Variants in CCNQ observed in about 807,000 individuals in gnomAD.
CCNQ encodes the protein cyclin Q, also known as cyclin-Q.
A neutral mutation model predicts 17.7 loss-of-function variants in CCNQ; 3 were observed. The ratio of observed to expected loss-of-function variants is 0.17; its 90% CI spans 0.08 to 0.44. The LOEUF (loss-of-function observed/expected upper bound fraction) is 0.44, where lower values mean the gene tolerates loss of function less well. Among genes scored for constraint, CCNQ ranks in the 20% least tolerant of loss-of-function variants. The pLI, the probability that CCNQ is intolerant of heterozygous loss-of-function variation, is 0.99. For synonymous variants in CCNQ, 73 were observed against 96.0 expected, an observed-to-expected ratio of 0.76 and a Z score of 1.40; for missense variants, 146 against 222.6, an observed-to-expected ratio of 0.66 and a Z score of 2.19.
intron 1 of CCNQ, among the ~76,000 whole-genome samples, chrX:153,597,170 G>A (rs782420517): frequency 7.2e-5 from 8 of 111,200 alleles, no homozygotes; most frequent in Non-Finnish European, 1.1e-4. Flanking sequence ...CATCCACTAG[G>A]CCAAAACAGA....
At chrX:153,592,291 G>C (rs1405941700) in intron 4 of CCNQ, among the ~76,000 whole-genome samples, 2 of 113,298 alleles carry the variant, frequency 1.8e-5, no homozygotes, top group Admixed American at 1.8e-4. Flanking sequence ...GTGGAGGCCA[G>C]CACTCCTGTT....
chrX:153,592,715 C>G lies in CCNQ; in HGVS notation c.448G>C (p.Val150Leu). Residue 150 changes from valine (V) to leucine (L), a missense_variant, in exon 4 of 5, where the codon GTT becomes CTT. By Grantham distance (32) the Val-to-Leu change is conservative. Transcript: ENST00000576892. ...CGGTTCAGCCAGTTCTGGAGGGAAA[C>G]CAGGTAGTGGAGCAGGTACTGCAAA... ...HPHKYLLHYLVSLQNWLNRHS... is the reference protein window; with the variant it reads ...HPHKYLLHYLLSLQNWLNRHS... 2.5e-6 allele frequency: 3 copies of G among 1,210,443 alleles called. No individual in the cohort carries two copies. Among genetic ancestry groups the G allele is most frequent in the Non-Finnish European group, 2.2e-6 (2 of 894,620 alleles).
chrX:153,594,517 C>T, intron 3 of CCNQ, 30 bp downstream of exon 3: 1 of 1,208,892 alleles, frequency 8.3e-7, no homozygotes, highest in Non-Finnish European at 1.1e-6. Context: ...TTGAGCCTCT[C>T]CAAACAGGCA....
intron 2 of CCNQ, among the ~76,000 whole-genome samples, chrX:153,595,580 C>T (rs1388261276): frequency 8.8e-6 from 1 of 113,321 alleles, no homozygotes; most frequent in Non-Finnish European, 1.9e-5. Context: ...GCCATGCCCA[C>T]GCCACACCCA....
chrX:153,595,964 C>A (rs782507521), intron 2 of CCNQ, 40 bp downstream of exon 2: 1 of 1,206,720 alleles, frequency 8.3e-7, no homozygotes, highest in Admixed American at 2.2e-5. Context: ...CCCGTCCCCC[C>A]CACCGGGTGG....
chrX:153,595,431 G>A (rs192426626), intron 2 of CCNQ, among the ~76,000 whole-genome samples: 20 of 113,807 alleles, frequency 1.8e-4, no homozygotes, highest in African/African-American at 5.4e-4. Context: ...CAAGGAACAT[G>A]TTTAAGCCTC....
At chrX:153,595,115 T>A (rs1295557342) in intron 2 of CCNQ, among the ~76,000 whole-genome samples, 1 of 112,939 alleles carries the variant, frequency 8.9e-6, no homozygotes, top group African/African-American at 3.2e-5. Context: ...TTTTTTAACT[T>A]ATTTTTACTT....
chrX:153,594,520 A>G, intron 3 of CCNQ, 27 bp downstream of exon 3: 2 of 1,209,051 alleles, frequency 1.7e-6, no homozygotes, highest in Admixed American at 4.3e-5. Context: ...AGCCTCTCCA[A>G]ACAGGCACCA....
chrX:153,598,837 C>T, intron 1 of CCNQ, 125 bp downstream of exon 1: 1 of 443,560 alleles, frequency 2.3e-6, no homozygotes, highest in Non-Finnish European at 3.3e-6. Flanking sequence ...AGGTCCTCAG[C>T]CCCGAGCAGG....
chrX:153,588,185 G>A lies in CCNQ; in HGVS notation c.*180C>T, dbSNP rs782820779. 2.8e-5 allele frequency: 15 copies of A among 539,150 alleles called. No individual in the cohort carries two copies. The highest frequency in any genetic ancestry group is 1.0e-4 in the Admixed American group (4 of 39,189). 44.4% of individuals were successfully genotyped at this position (539,150 alleles called of 1,213,427 possible). ...CGCGGCTCCCACCATCACCTGCACC[G>A]CGACTTCTAGGGACTGGCAAAGCGG... On this transcript the variant is annotated 3_prime_UTR_variant, in exon 5 of 5. Coordinates refer to ENST00000576892, the MANE Select transcript of CCNQ (RefSeq NM_152274.5).
chrX:153,588,896 T>C (rs1486849505), intron 4 of CCNQ, among the ~76,000 whole-genome samples: 1 of 112,713 alleles, frequency 8.9e-6, no homozygotes, highest in East Asian at 2.8e-4. Context: ...CTGGGGAGCA[T>C]GTGGACCCAC....
chrX:153,596,958 T>C (rs2091032804), intron 1 of CCNQ, among the ~76,000 whole-genome samples: 1 of 111,937 alleles, frequency 8.9e-6, no homozygotes, highest in Admixed American at 9.4e-5. Flanking sequence ...AGTGAGACCC[T>C]GTCTCTACAA....
rs782103033 is a variant in CCNQ, at chrX:153,587,975, C to T, written c.*390G>A. 30 of 312,147 alleles carry T rather than the reference C, an allele frequency of 9.6e-5. No homozygotes were observed. Among genetic ancestry groups the T allele is most frequent in the African/African-American group, 7.7e-4 (29 of 37,653 alleles). 25.7% of individuals were successfully genotyped at this position (312,147 alleles called of 1,213,427 possible). A position where few individuals can be genotyped will look rare whatever the true frequency, so the allele number is the denominator to read the frequency against. ...CAAAATAGATTTCAGCCACGTTGCA[C>T]ATTCATTCTCCCTACAAATCTGGCT... On this transcript the variant is annotated 3_prime_UTR_variant, in exon 5 of 5. Coordinates refer to ENST00000576892, the MANE Select transcript of CCNQ (RefSeq NM_152274.5).
chrX:153,590,515 G>T (rs1557025560), intron 4 of CCNQ, among the ~76,000 whole-genome samples: 1 of 111,266 alleles, frequency 9.0e-6, no homozygotes, highest in South Asian at 3.8e-4. Context: ...CAGGAGCTTG[G>T]GGGTGGGGAG....
intron 4 of CCNQ, among the ~76,000 whole-genome samples, chrX:153,589,538 C>A (rs1323394237): frequency 8.9e-6 from 1 of 112,720 alleles, no homozygotes; most frequent in Non-Finnish European, 1.9e-5. Context: ...GCACTGAGCC[C>A]CAGGGTGCTC....
At chrX:153,594,048 G>A (rs2091010239) in intron 3 of CCNQ, among the ~76,000 whole-genome samples, 1 of 112,928 alleles carries the variant, frequency 8.9e-6, no homozygotes, top group African/African-American at 3.2e-5. Context: ...GTTTGAAATG[G>A]TTCTTCTGTT....
intron 4 of CCNQ, among the ~76,000 whole-genome samples, 172 bp downstream of exon 4, chrX:153,592,334 C>T (rs782421407): frequency 3.5e-5 from 4 of 113,400 alleles, no homozygotes; most frequent in Admixed American, 2.8e-4. Context: ...GCAACTGTGC[C>T]GAGGGGGAGA....
chrX:153,598,403 G>C (rs961194088), intron 1 of CCNQ, among the ~76,000 whole-genome samples: 1 of 107,517 alleles, frequency 9.3e-6, no homozygotes, highest in Non-Finnish European at 1.9e-5. Flanking sequence ...CCAACAGAGC[G>C]AGACTCCGTC....
At position 153,596,141 on chromosome X, in the gene CCNQ, G is replaced by A. The variant is rs782242676; in HGVS notation, c.159C>T (p.Thr53=). The change falls in exon 2 of 5, where the codon ACC becomes ACT. Residue 53 remains threonine (T), a synonymous_variant. Transcript: ENST00000576892. ...TCTCGCAAAAGAACTTATGGTAAAT[G>A]GTGCAAGCAGTGGCAATGGGAATGG... ...MRSIPIATAC[T]IYHKFFCETN... 2.6e-5 allele frequency: 32 copies of A among 1,210,854 alleles called. 1 individual carries two copies. The South Asian group carries it at 3.7e-4, about 14-fold the overall frequency.
Sources: allele counts gnomAD v4.1 joint callset (sites outside exome capture counted in the v4.1 genomes callset), GRCh38; gene constraint gnomAD v4.1.1; transcripts MANE v1.5; gene names NCBI Gene and HGNC (gene_info 2026-07-23, HGNC 2026-07-21).